Variants in MGAT5 observed in about 807,000 individuals in gnomAD.
The protein encoded by MGAT5 is alpha-1,6-mannosylglycoprotein 6-beta-N-acetylglucosaminyltransferase.
MGAT5 carries 30 observed loss-of-function variants against 94.3 expected under a neutral mutation model. That is an observed-to-expected ratio of 0.32 (90% confidence interval 0.24 to 0.43). The LOEUF is 0.43. MGAT5 is among the 20% of genes least tolerant of loss of function. The pLI is 1.00. For synonymous variants in MGAT5, 310 were observed against 322.9 expected, an observed-to-expected ratio of 0.96 and a Z score of 0.43; for missense variants, 691 against 905.5, an observed-to-expected ratio of 0.76 and a Z score of 3.04.
chr2:134,130,677 G>T (rs1433234304), intron 1 of MGAT5, among the ~76,000 whole-genome samples: 1 of 143,496 alleles, frequency 7.0e-6, no homozygotes, highest in Non-Finnish European at 1.6e-5. Flanking sequence ...CTAGCTAAAG[G>T]TTTGTAAATG....
intron 14 of MGAT5, among the ~76,000 whole-genome samples, chr2:134,438,029 A>AG (rs1410678732): frequency 6.6e-6 from 1 of 152,008 alleles, no homozygotes; most frequent in Admixed American, 6.6e-5. Context: ...AAAAAAAAAA[A>AG]AGATTTACAG....
chr2:134,238,028 C>T (rs541991687), intron 1 of MGAT5, among the ~76,000 whole-genome samples: 1 of 152,076 alleles, frequency 6.6e-6, no homozygotes, highest in African/African-American at 2.4e-5. Context: ...GGATTACAGG[C>T]GTGAGCCACT....
chr2:134,412,608 C>G (rs1327196170), intron 11 of MGAT5, among the ~76,000 whole-genome samples: 12 of 152,068 alleles, frequency 7.9e-5, no homozygotes, highest in Admixed American at 7.9e-4. Context: ...TACCCCTAGA[C>G]ACTTAATTTT....
intron 1 of MGAT5, among the ~76,000 whole-genome samples, chr2:134,145,307 G>T (rs542720934): frequency 6.6e-6 from 1 of 152,086 alleles, no homozygotes; most frequent in South Asian, 2.1e-4. Context: ...AGCACTTTGG[G>T]AGGCTGAGGC....
rs1553490421 is a variant in MGAT5 at position 134,189,607 on chromosome 2, T to TTTTTTTTTGTTTGTTTG, written c.-142-64647_-142-64646insGTTTGTTTGTTTTTTTT. ...CATGGCTCTAGTTTTTTTTTGTTTT[T>TTTTTTTTTGTTTGTTTG]TTTTTTTTTTTTTAAGACAGAGTCT... On this transcript the variant is annotated intron_variant, in intron 1 of 16. Transcript: ENST00000409645. Among the ~76,000 whole-genome samples, 9 of 80,668 alleles carry TTTTTTTTTGTTTGTTTG rather than the reference T, an allele frequency of 1.1e-4. 1 individual carries two copies. Among genetic ancestry groups the TTTTTTTTTGTTTGTTTG allele is most frequent in the Middle Eastern group, 8.8e-3 (1 of 114 alleles). The allele number at this position is 80,668 out of a possible 152,430, so 52.9% of individuals were successfully genotyped here.
chr2:134,295,891 A>T (rs1302007752), intron 2 of MGAT5, among the ~76,000 whole-genome samples: 1 of 152,122 alleles, frequency 6.6e-6, no homozygotes, highest in Non-Finnish European at 1.5e-5. Flanking sequence ...TTCCTTCTGA[A>T]CCCTAAGAAT....
At chr2:134,275,016 T>C (rs1442858023) in intron 2 of MGAT5, among the ~76,000 whole-genome samples, 2 of 152,212 alleles carry the variant, frequency 1.3e-5, no homozygotes, top group African/African-American at 4.8e-5. Context: ...TTCCCCCTCT[T>C]TGTGCTGCTA....
At position 134,341,697 on chromosome 2, in the gene MGAT5, T is replaced by G; in HGVS notation, c.915T>G (p.Ile305Met). 1 of 1,613,608 alleles carries G rather than the reference T, an allele frequency of 6.2e-7. No individual in the cohort carries two copies. Among genetic ancestry groups the G allele is most frequent in the Non-Finnish European group, 8.5e-7 (1 of 1,179,704 alleles). The change falls in exon 7 of 16, where the codon ATT (isoleucine) becomes ATG (methionine). Residue 305 changes from isoleucine to methionine, a missense_variant. By Grantham distance (10) the Ile-to-Met change is conservative. This residue lies in a region of MGAT5 where 121 missense variants were observed against 206.1 expected (regional missense o/e 0.59). Transcript: ENST00000281923. ...AATTAGTTCAATGGAGTGATTTAAT[T>G]ACATCTCTGTACTTACTGGGCCATG... ...LGELVQWSDLITSLYLLGHDI... is the reference protein window; with the variant it reads ...LGELVQWSDLMTSLYLLGHDI...
chr2:134,416,199 C>T (rs2106340239), intron 12 of MGAT5, among the ~76,000 whole-genome samples: 1 of 152,222 alleles, frequency 6.6e-6, no homozygotes, highest in South Asian at 2.1e-4. Flanking sequence ...AGTATATTTG[C>T]AATATTGTGC....
intron 1 of MGAT5, among the ~76,000 whole-genome samples, chr2:134,220,212 C>G (rs984937180): frequency 6.6e-6 from 1 of 152,176 alleles, no homozygotes; most frequent in African/African-American, 2.4e-5. Context: ...CGATGGAAAA[C>G]TAGTTCTTCG....
chr2:134,216,258 T>TA (rs1382195180), intron 1 of MGAT5, among the ~76,000 whole-genome samples: 2 of 152,220 alleles, frequency 1.3e-5, no homozygotes, highest in African/African-American at 2.4e-5. Flanking sequence ...CCGGGACACT[T>TA]ATAGTTCTAT....
intron 10 of MGAT5, among the ~76,000 whole-genome samples, chr2:134,362,632 T>A (rs1417003031): frequency 6.6e-6 from 1 of 152,194 alleles, no homozygotes; most frequent in Admixed American, 6.5e-5. Flanking sequence ...CCACCTTCAC[T>A]CTCTGCATGT....
chr2:134,163,061 C>T (rs1325037341), intron 1 of MGAT5, among the ~76,000 whole-genome samples: 2 of 152,058 alleles, frequency 1.3e-5, no homozygotes, highest in Non-Finnish European at 2.9e-5. Flanking sequence ...AAGTGTAAGA[C>T]GTGCCCTGCT....
chr2:134,226,054 G>A lies in MGAT5; in HGVS notation c.-142-28208G>A, dbSNP rs74623397. Among the ~76,000 whole-genome samples, 1,492 of 152,342 alleles carry A rather than the reference G, an allele frequency of 9.8e-3. 16 individuals are homozygous for A. Among genetic ancestry groups the A allele is most frequent in the African/African-American group, 0.033 (1,353 of 41,574 alleles). On this transcript the variant is annotated intron_variant, in intron 1 of 16. Coordinates refer to the MGAT5 transcript ENST00000409645. ...GCTGGTGTGTAGCCTTAGGAGAAGA[G>A]TGTTTACTGTTGAGTGGTTGTTCTG...
At chr2:134,434,556 C>G (rs138653114) in intron 14 of MGAT5, among the ~76,000 whole-genome samples, 1 of 152,314 alleles carries the variant, frequency 6.6e-6, no homozygotes, top group Non-Finnish European at 1.5e-5. Flanking sequence ...TTTTCTACTT[C>G]TGCTACTGTC....
intron 1 of MGAT5, among the ~76,000 whole-genome samples, chr2:134,240,430 C>G (rs1038600680): frequency 2.0e-5 from 3 of 151,584 alleles, no homozygotes; most frequent in Admixed American, 1.3e-4. Flanking sequence ...TCTCTGATCT[C>G]CCCTTAAGAC....
At chr2:134,285,917 T>C (rs1186278630) in intron 2 of MGAT5, among the ~76,000 whole-genome samples, 1 of 152,170 alleles carries the variant, frequency 6.6e-6, no homozygotes, top group Non-Finnish European at 1.5e-5. Flanking sequence ...GTGCTTACTT[T>C]ATAAGGACAC....
intron 4 of MGAT5, among the ~76,000 whole-genome samples, chr2:134,334,137 C>CT (rs1688186139): frequency 6.6e-6 from 1 of 152,004 alleles, no homozygotes; most frequent in South Asian, 2.1e-4. Flanking sequence ...CCCTTGGAGC[C>CT]TTAGGGAGTA....
rs1399052757 is a variant in MGAT5, at chr2:134,204,436, G to A, written c.-142-49826G>A. 1.3e-5 allele frequency among the ~76,000 whole-genome samples: 2 copies of A among 152,166 alleles called. 1 individual carries two copies. Among genetic ancestry groups the A allele is most frequent in the African/African-American group, 4.8e-5 (2 of 41,440 alleles). On this transcript the variant is annotated intron_variant, in intron 1 of 16. Transcript: ENST00000409645. ...GACTCAAAAGAAAACTTGGTAGTTA[G>A]CAAGTGGTGTGATGTCCTGGGGTTA...
Sources: gnomAD v4.1 joint callset for allele counts (sites outside exome capture counted in the v4.1 genomes callset) on GRCh38, gnomAD v4.1.1 for gene constraint, gnomAD v4.1.1 regional missense constraint, MANE v1.5 for transcripts, NCBI Gene and HGNC (gene_info 2026-07-23, HGNC 2026-07-21) for gene names.